AK1: variants seen among roughly 807,000 people sequenced by gnomAD.
AK1 encodes adenylate kinase 1.
In AK1, 13 loss-of-function variants were observed where a neutral mutation model predicts 23.9. That is an observed-to-expected ratio of 0.54 (90% CI 0.35 to 0.86). The LOEUF (loss-of-function observed/expected upper bound fraction) is 0.86. Among genes scored for constraint, AK1 ranks in the 40% least tolerant of loss-of-function variants. The pLI is 0.01. For missense variants in AK1, 214 were observed against 255.1 expected (o/e 0.84, Z 1.10); for synonymous variants, 97 against 102.8 (o/e 0.94, Z 0.34).
intron 1 of AK1, among the ~76,000 whole-genome samples, chr9:127,876,962 A>C (rs73602342): frequency 0.017 from 2,576 of 152,322 alleles, 76 homozygotes; most frequent in African/African-American, 0.059. Context: ...TTCTGACCCA[A>C]CGTAGTCGGT....
rs1829316139 is a variant in AK1 at position 127,868,894 on chromosome 9, G to A, written c.325-382C>T. Among the ~76,000 whole-genome samples, 1 of 152,120 alleles carries A rather than the reference G, an allele frequency of 6.6e-6. No homozygotes were observed. Among genetic ancestry groups the A allele is most frequent in the South Asian group, 2.1e-4 (1 of 4,832 alleles). On this transcript the variant is annotated intron_variant, in intron 5 of 6. Transcript: ENST00000644144. This position sits in a 1 kb window ranked among gnomAD's most constrained non-coding sequence, Gnocchi z 4.1. ...AATACCAAGCATCAGGTTTCAGTGC[G>A]AAGCTCACTTCCTCAGGGCAGTCTC...
At chr9:127,869,437 G>A (rs1212523496) in intron 5 of AK1, 3 of 153,010 alleles carry the variant, frequency 2.0e-5, no homozygotes, top group Non-Finnish European at 2.9e-5. Flanking sequence ...CCTCTGTCCA[G>A]CTGTGTAACC....
rs1446725926 is a variant in AK1, at chr9:127,868,220, G to A, written c.516+101C>T. ...TCATTGAACCAGTGGGGAAACCAAG[G>A]CCCAGAGAGAGGGGCTGGCCTGAGG... On this transcript the variant is annotated intron_variant, in intron 6 of 6. Coordinates refer to ENST00000644144, the MANE Select transcript of AK1 (RefSeq NM_000476.3). The surrounding 1 kb of genome is among the most constrained non-coding windows in gnomAD (Gnocchi z 4.1). 1 of 1,450,272 alleles carries A rather than the reference G, an allele frequency of 6.9e-7. No individual in the cohort carries two copies. The highest frequency in any genetic ancestry group is 9.5e-7 in the Non-Finnish European group (1 of 1,055,058). 89.8% of individuals were successfully genotyped at this position (1,450,272 alleles called of 1,614,324 possible). A position where few individuals can be genotyped will look rare whatever the true frequency, so the allele number is the denominator to read the frequency against.
Position 127,873,008 on chromosome 9 carries a change from C to T in AK1, c.43+18G>A, listed in dbSNP as rs774523679. On this transcript the variant is annotated intron_variant, in intron 3 of 6. Transcript: ENST00000644144. ...CAGTGAAGACCCTTGCTGCACCACC[C>T]GCCTGCCCGCAACTCACCCACCACA... 16 of 1,613,928 alleles carry T rather than the reference C, an allele frequency of 9.9e-6. No homozygotes were observed. Among genetic ancestry groups the T allele is most frequent in the Middle Eastern group, 1.6e-4 (1 of 6,082 alleles).
chr9:127,868,359 CA>C lies in AK1; in HGVS notation c.477del (p.Val160SerfsTer34), dbSNP rs763200874. 1 of 1,609,282 alleles carries C rather than the reference CA, an allele frequency of 6.2e-7. No individual in the cohort carries two copies. The highest frequency in any genetic ancestry group is 1.7e-5 in the Admixed American group (1 of 59,340). On this transcript the variant is annotated frameshift_variant, in exon 6 of 7. Transcript: ENST00000644144. LOFTEE classifies it high-confidence loss of function. The surrounding 1 kb of genome is among the most constrained non-coding windows in gnomAD (Gnocchi z 4.1). ...RLETYYKATE[P>X]VIAFYEKRGI... ...CCACGTTTCTCATAGAAGGCGATGA[CA>C]GGTTCTGTGGCCTTGTAATAGGTCT...
Position 127,872,837 on chromosome 9 carries a change from C to T in AK1, c.60G>A (p.Gly20=). Residue 20 remains glycine (G), a synonymous_variant, in exon 4 of 7, where the codon GGG becomes GGA. Transcript: ENST00000644144. ...IIFVVGGPGS[G]KGTQCEKIVQ... ...CGATCTTCTCACACTGGGTGCCCTT[C>T]CCTGAGCCAGGCCCACCTGCAAACG... is the stretch of plus-strand genomic sequence containing the variant. 1 of 1,614,100 alleles carries T rather than the reference C, an allele frequency of 6.2e-7. No homozygotes were observed.
rs2070689 is a variant in AK1, at chr9:127,873,321, A to G, written c.8-260T>C. ...AAAGCCTAAAGGCTAAGTACTCTCCACACAGCCAGCGGGCTGGGCCGCCAG... is the reference window on the plus strand; with the variant it reads ...AAAGCCTAAAGGCTAAGTACTCTCCGCACAGCCAGCGGGCTGGGCCGCCAG... On this transcript the variant is annotated intron_variant, in intron 2 of 6. Coordinates refer to ENST00000644144, the MANE Select transcript of AK1 (RefSeq NM_000476.3). 6,065 of 1,538,134 alleles carry G rather than the reference A, an allele frequency of 3.9e-3. 132 individuals are homozygous for G. The East Asian group carries it at 0.067, about 17-fold the overall frequency.
At chr9:127,869,211 C>T (rs190595810) in intron 5 of AK1, among the ~76,000 whole-genome samples, 2 of 152,304 alleles carry the variant, frequency 1.3e-5, no homozygotes, top group South Asian at 2.1e-4. Context: ...GCCCCTGCCT[C>T]GCTCAATCCA....
intron 1 of AK1, chr9:127,874,928 G>A: frequency 2.2e-6 from 1 of 461,782 alleles, no homozygotes; most frequent in Non-Finnish European, 4.0e-6. Flanking sequence ...TCCCGCTGGA[G>A]GGGCTGGGAC....
chr9:127,873,780 G>T (rs1829474922), intron 2 of AK1: 1 of 985,334 alleles, frequency 1.0e-6, no homozygotes. Context: ...TCCCCACTGG[G>T]CTTTCAGGCT....
Position 127,871,970 on chromosome 9 carries a change from GA to G in AK1, c.208-32del. On this transcript the variant is annotated intron_variant, in intron 4 of 6. Coordinates refer to ENST00000644144, the MANE Select transcript of AK1 (RefSeq NM_000476.3). The surrounding 1 kb of genome is among the most constrained non-coding windows in gnomAD (Gnocchi z 4.4). ...GCACAGCAAAGGAGGAAGGGGCCAT[GA>G]GCCTCTCCTCCCCATCCCTTCTCCC... 6.4e-7 allele frequency: 1 copy of G among 1,571,712 alleles called. No individual in the cohort carries two copies.
chr9:127,874,068 C>T (rs947834391), intron 2 of AK1: 9 of 985,328 alleles, frequency 9.1e-6, no homozygotes, highest in Middle Eastern at 5.2e-4. Flanking sequence ...GCAGCAGGCC[C>T]GCTGGGTGTC....
In AK1 at chr9:127,867,987, G is replaced by A. The variant is rs761049374; in HGVS notation, c.*21C>T. The A allele has an allele frequency of 3.7e-6, 6 of 1,613,262 alleles. No homozygotes were observed. The highest frequency in any genetic ancestry group is 1.7e-6 in the Non-Finnish European group (2 of 1,179,296). ...ACGGGGTGGGGCGGGGCTCTGAGCT[G>A]GGGAAGCGGCTCCAGCGTTGCTACT... On this transcript the variant is annotated 3_prime_UTR_variant, in exon 7 of 7. Coordinates refer to ENST00000644144, the MANE Select transcript of AK1 (RefSeq NM_000476.3).
At chr9:127,872,496 G>A (rs1344803072) in intron 4 of AK1, among the ~76,000 whole-genome samples, 194 bp downstream of exon 4, 1 of 152,060 alleles carries the variant, frequency 6.6e-6, no homozygotes, top group Non-Finnish European at 1.5e-5. Flanking sequence ...TTGGGGGCAG[G>A]GCAGAGTCCT....
intron 5 of AK1, among the ~76,000 whole-genome samples, chr9:127,870,301 C>G (rs1229946955): frequency 6.8e-6 from 1 of 147,650 alleles, no homozygotes; most frequent in Admixed American, 7.0e-5. Context: ...CAGCCAGGTT[C>G]AAATGATTCT....
In AK1 at chr9:127,877,229, C is replaced by A. The variant is rs966850764; in HGVS notation, c.-33+394G>T. On this transcript the variant is annotated intron_variant, in intron 1 of 6. Coordinates refer to ENST00000644144, the MANE Select transcript of AK1 (RefSeq NM_000476.3). This position sits in a 1 kb window ranked among gnomAD's most constrained non-coding sequence, Gnocchi z 5.2. The stretch of plus-strand genomic sequence containing the variant: ...AGTGACACGATAGCCCTACGGAGCA[C>A]AGAGGCTGCCCCTGTCCAGGTCCTC... 1.3e-5 allele frequency among the ~76,000 whole-genome samples: 2 copies of A among 152,148 alleles called. No individual in the cohort carries two copies. Among genetic ancestry groups the A allele is most frequent in the Admixed American group, 6.5e-5 (1 of 15,276 alleles).
At chr9:127,874,875 A>G in intron 1 of AK1, 1 of 547,324 alleles carries the variant, frequency 1.8e-6, no homozygotes, top group South Asian at 2.0e-5. Context: ...CCATGGCCTC[A>G]CCTGTCACAG....
Position 127,867,683 on chromosome 9 carries a change from G to A in AK1, c.*325C>T. 8.1e-6 allele frequency: 3 copies of A among 371,066 alleles called. No individual in the cohort carries two copies. Among genetic ancestry groups the A allele is most frequent in the South Asian group, 2.4e-5 (1 of 41,678 alleles). The allele number at this position is 371,066 out of a possible 1,614,324, so 23.0% of individuals were successfully genotyped here. On this transcript the variant is annotated 3_prime_UTR_variant, in exon 7 of 7. Coordinates refer to ENST00000644144, the MANE Select transcript of AK1 (RefSeq NM_000476.3). ...GGCCAGGCATGCCCTGTGCGAGGAA[G>A]GGCCCCGGGCCTCCCACCAGAGCTA...
In AK1 at chr9:127,868,042, G is replaced by A; in HGVS notation, c.551C>T (p.Ser184Phe). The change falls in exon 7 of 7, where the codon TCC (serine) becomes TTC (phenylalanine). Residue 184 changes from serine to phenylalanine, a missense_variant. Physicochemically the swap from Ser to Phe is radical, Grantham distance 155 (BLOSUM62 -2). Transcript: ENST00000644144. This position sits in a 1 kb window ranked among gnomAD's most constrained non-coding sequence, Gnocchi z 4.1. The stretch of plus-strand genomic sequence containing the variant: ...GGCGTCCAGGTGGGTGCAGACCTGG[G>A]AGAAGACACTGTCCACGGAGCCCTC... The part of the protein sequence containing the change: ...NAEGSVDSVF[S>F]QVCTHLDALK 5 of 1,614,182 alleles carry A rather than the reference G, an allele frequency of 3.1e-6. No individual in the cohort carries two copies. Among genetic ancestry groups the A allele is most frequent in the Non-Finnish European group, 4.2e-6 (5 of 1,180,020 alleles).
Sources: allele counts gnomAD v4.1 joint callset (sites outside exome capture counted in the v4.1 genomes callset), GRCh38; gene constraint gnomAD v4.1.1; non-coding constraint Gnocchi (gnomAD v3.1); transcripts MANE v1.5; gene names NCBI Gene and HGNC (gene_info 2026-07-23, HGNC 2026-07-21).